Variants in PCDHGB2 observed in about 807,000 individuals in gnomAD.
PCDHGB2 encodes the protein protocadherin gamma subfamily B, 2, also known as protocadherin gamma-B2.
PCDHGB2 carries 55 observed loss-of-function variants against 59.3 expected under a neutral mutation model. That is an observed-to-expected ratio of 0.93 (90% confidence interval 0.75 to 1.16). The LOEUF (loss-of-function observed/expected upper bound fraction) is 1.16, where lower values mean the gene tolerates loss of function less well. Ranked by LOEUF, PCDHGB2 falls within the 50% of genes most tolerant of loss-of-function variation. The probability of loss-of-function intolerance (pLI) is 0.00; values close to 1 mark genes in which losing one functional copy is unlikely to be tolerated. For missense variants in PCDHGB2, 1,228 were observed against 1,198.5 expected (o/e 1.02, Z -0.36); for synonymous variants, 516 against 512.0 (o/e 1.01, Z -0.11).
Position 141,414,827 on chromosome 5 carries a change from C to T in PCDHGB2, c.2421+52271C>T, listed in dbSNP as rs1253521902. On this transcript the variant is annotated intron_variant, in intron 1 of 3. Coordinates refer to ENST00000522605, the MANE Select transcript of PCDHGB2 (RefSeq NM_018923.3). Reference sequence around the variant, plus strand: ...GATCCTCCACTCAGCAGCAACGTGTCGTTGAGCCTGTTTGTGCTGGACCAG... The same window carrying T: ...GATCCTCCACTCAGCAGCAACGTGTTGTTGAGCCTGTTTGTGCTGGACCAG... 1.9e-6 allele frequency: 3 copies of T among 1,614,116 alleles called. No individual in the cohort carries two copies. Among genetic ancestry groups the T allele is most frequent in the African/African-American group, 1.3e-5 (1 of 74,946 alleles).
chr5:141,400,037 G>A, intron 1 of PCDHGB2: 4 of 1,613,246 alleles, frequency 2.5e-6, no homozygotes, highest in African/African-American at 1.3e-5. Context: ...GCCCGCCAGC[G>A]CCTGCTGGTT....
rs759220286 is a variant in PCDHGB2 at position 141,490,018 on chromosome 5, C to G, written c.2422-4789C>G. The G allele has an allele frequency of 6.2e-7, 1 of 1,614,252 alleles. No individual in the cohort carries two copies. Among genetic ancestry groups the G allele is most frequent in the Non-Finnish European group, 8.5e-7 (1 of 1,180,038 alleles). ...CCCAGAGAATGCACCCATTGGTACTCTGCTGCTCCGCCTCAATGCCACTGA... is the reference window on the plus strand; with the variant it reads ...CCCAGAGAATGCACCCATTGGTACTGTGCTGCTCCGCCTCAATGCCACTGA... On this transcript the variant is annotated intron_variant, in intron 1 of 3. Transcript: ENST00000522605. This position sits in a 1 kb window ranked among gnomAD's most constrained non-coding sequence, Gnocchi z 5.4.
At chr5:141,404,875 C>A in intron 1 of PCDHGB2, 1 of 1,613,904 alleles carries the variant, frequency 6.2e-7, no homozygotes, top group Non-Finnish European at 8.5e-7. Context: ...TCAAACAGAG[C>A]CTTGTGGTGG....
intron 1 of PCDHGB2, chr5:141,484,876 A>T (rs1461505847): frequency 6.3e-6 from 2 of 315,126 alleles, no homozygotes; most frequent in Admixed American, 9.4e-5. Flanking sequence ...CGTGGAGGAT[A>T]GGGTGGGCTT....
At chr5:141,380,730 T>C (rs1776691792) in intron 1 of PCDHGB2, among the ~76,000 whole-genome samples, 2 of 152,250 alleles carry the variant, frequency 1.3e-5, no homozygotes, top group Non-Finnish European at 2.9e-5. Context: ...CTTATTTCCT[T>C]TTCTCCAAAG....
At chr5:141,402,971 T>A (rs1589470573) in intron 1 of PCDHGB2, 1 of 1,608,252 alleles carries the variant, frequency 6.2e-7, no homozygotes, top group East Asian at 2.2e-5. Flanking sequence ...TCCAACCAAA[T>A]GCCAGCTCCG....
intron 1 of PCDHGB2, chr5:141,478,664 C>T (rs2099470287): frequency 1.3e-6 from 2 of 1,551,788 alleles, no homozygotes; most frequent in Non-Finnish European, 1.7e-6. Context: ...GATGCATTCA[C>T]ACTTTCAACT....
At chr5:141,403,104 A>T in intron 1 of PCDHGB2, 1 of 1,614,038 alleles carries the variant, frequency 6.2e-7, no homozygotes. Flanking sequence ...ATCTCCAAGG[A>T]CCTGGCTCTG....
intron 1 of PCDHGB2, chr5:141,389,237 A>G (rs758770216): frequency 3.1e-6 from 5 of 1,612,662 alleles, no homozygotes; most frequent in Non-Finnish European, 4.2e-6. Flanking sequence ...CGGTTTTCTC[A>G]CAGTCTTCCT....
intron 1 of PCDHGB2, chr5:141,427,729 A>G (rs1176707357): frequency 8.5e-7 from 1 of 1,170,166 alleles, no homozygotes; most frequent in African/African-American, 1.5e-5. Context: ...CTAGGGCTGA[A>G]TGGCCAAGTC....
At chr5:141,475,778 T>A (rs1204790631) in intron 1 of PCDHGB2, among the ~76,000 whole-genome samples, 1 of 152,400 alleles carries the variant, frequency 6.6e-6, no homozygotes. Context: ...GCGCTTTGGC[T>A]GGAAACTCTG....
chr5:141,391,109 T>C (rs1414344509), intron 1 of PCDHGB2: 1 of 152,098 alleles, frequency 6.6e-6, no homozygotes, highest in Non-Finnish European at 1.5e-5. Context: ...TAAACTAATA[T>C]AGCTAGAGGT....
rs1218837884 is a variant in PCDHGB2 at position 141,403,668 on chromosome 5, C to A, written c.2421+41112C>A. On this transcript the variant is annotated intron_variant, in intron 1 of 3. Coordinates refer to ENST00000522605, the MANE Select transcript of PCDHGB2 (RefSeq NM_018923.3). ...ACAGTGTTGGATACAAATGATAATG[C>A]CCCGGTTTTTGCTCAACGGATTTAC... 1.9e-6 allele frequency: 3 copies of A among 1,613,772 alleles called. No individual in the cohort carries two copies. In the African/African-American group the frequency reaches 4.0e-5, roughly 22 times the overall value.
chr5:141,376,050 C>G (rs1342484281), intron 1 of PCDHGB2: 4 of 1,613,234 alleles, frequency 2.5e-6, no homozygotes, highest in Non-Finnish European at 3.4e-6. Flanking sequence ...CCTCTCTCCG[C>G]CACTGTCACG....
At chr5:141,383,304 G>A (rs1779007855) in intron 1 of PCDHGB2, 1 of 1,613,918 alleles carries the variant, frequency 6.2e-7, no homozygotes, top group Non-Finnish European at 8.5e-7. Context: ...GATTCTTGAC[G>A]GAAGAAATAA....
intron 1 of PCDHGB2, chr5:141,385,234 C>T: frequency 1.2e-6 from 2 of 1,614,178 alleles, no homozygotes; most frequent in African/African-American, 1.3e-5. Context: ...TGTAGACATG[C>T]TCATCAGCCA....
intron 1 of PCDHGB2, chr5:141,408,572 G>A (rs745760240): frequency 4.3e-6 from 7 of 1,614,048 alleles, no homozygotes; most frequent in East Asian, 2.2e-5. Flanking sequence ...TGTGGTGATT[G>A]AGGATGTTAA....
intron 2 of PCDHGB2, among the ~76,000 whole-genome samples, chr5:141,498,451 T>C (rs1426888821): frequency 6.6e-6 from 1 of 152,126 alleles, no homozygotes; most frequent in Non-Finnish European, 1.5e-5. Context: ...AGGTTCCTTT[T>C]ATCCAGTCTA....
In PCDHGB2 at chr5:141,430,746, G is replaced by A. The variant is rs369205374; in HGVS notation, c.2422-64061G>A. ...TAAGGGCAGAATTGAAAATAATTCTGGAGGAAGATAAGAATGATTCCTGCG... is the reference window on the plus strand; with the variant it reads ...TAAGGGCAGAATTGAAAATAATTCTAGAGGAAGATAAGAATGATTCCTGCG... On this transcript the variant is annotated intron_variant, in intron 1 of 3. Coordinates refer to ENST00000522605, the MANE Select transcript of PCDHGB2 (RefSeq NM_018923.3). 3.3e-5 allele frequency: 49 copies of A among 1,500,684 alleles called. No homozygotes were observed. The African/African-American group carries it at 6.3e-4, about 19-fold the overall frequency. The allele number at this position is 1,500,684 out of a possible 1,614,324, so 93.0% of individuals were successfully genotyped here.
Sources: allele counts gnomAD v4.1 joint callset (sites outside exome capture counted in the v4.1 genomes callset), GRCh38; gene constraint gnomAD v4.1.1; non-coding constraint Gnocchi (gnomAD v3.1); transcripts MANE v1.5; gene names NCBI Gene and HGNC (gene_info 2026-07-23, HGNC 2026-07-21).